SF1: variants seen among roughly 807,000 people sequenced by gnomAD.
SF1 encodes branch point-binding protein.
A neutral mutation model predicts 62.5 loss-of-function variants in SF1; 7 were observed. The observed-to-expected ratio is 0.11, with a 90% CI of 0.06 to 0.21. SF1 has a LOEUF of 0.21. Ranked by LOEUF, SF1 falls within the 10% of genes least tolerant of loss-of-function variation. The pLI is 1.00. For synonymous variants in SF1, 394 were observed against 323.6 expected, an observed-to-expected ratio of 1.22 and a Z score of -2.33; for missense variants, 578 against 884.0, an observed-to-expected ratio of 0.65 and a Z score of 4.39.
intron 11 of SF1, 34 bp from the exon 12 acceptor site, chr11:64,767,113 G>A: frequency 6.2e-7 from 1 of 1,610,160 alleles, no homozygotes; most frequent in Non-Finnish European, 8.5e-7. Context: ...TGAGGCCTCA[G>A]GGAAAGGCGG....
chr11:64,769,875 T>C (rs1200415732), intron 5 of SF1, 89 bp downstream of exon 5: 10 of 1,021,420 alleles, frequency 9.8e-6, no homozygotes, highest in African/African-American at 4.9e-5. Flanking sequence ...AGGGGAAAAG[T>C]AAGCCAACAG....
intron 2 of SF1, among the ~76,000 whole-genome samples, chr11:64,775,595 T>C (rs993680163): frequency 6.6e-6 from 1 of 152,230 alleles, no homozygotes; most frequent in Non-Finnish European, 1.5e-5. Flanking sequence ...TTTTTGGTTG[T>C]GAAGGCCACA....
rs541692754 is a variant in SF1, at chr11:64,777,847, C to T, written c.31+515G>A. The stretch of plus-strand genomic sequence containing the variant: ...GCCCTAGAACCAGGCCGCGCGCGCC[C>T]AGGGGCGCCTCCGCCCGGGCCTCCC... On this transcript the variant is annotated intron_variant, in intron 1 of 12. Transcript: ENST00000377390. 12 of 953,020 alleles carry T rather than the reference C, an allele frequency of 1.3e-5. No homozygotes were observed. In the South Asian group the frequency reaches 3.9e-4, roughly 31 times the overall value. The allele number at this position is 953,020 out of a possible 1,614,324, so 59.0% of individuals were successfully genotyped here.
rs377713648 is a variant in SF1 at position 64,767,121 on chromosome 11, C to T, written c.1403-42G>A. On this transcript the variant is annotated intron_variant, in intron 11 of 12. Coordinates refer to ENST00000377390, the MANE Select transcript of SF1 (RefSeq NM_004630.4). The stretch of plus-strand genomic sequence containing the variant: ...GCAAAGATGAGGCCTCAGGGAAAGG[C>T]GGGGACTTGGGCCAGAACCCCCACT... 5.1e-4 allele frequency: 820 copies of T among 1,611,016 alleles called. 13 individuals carry two copies. The South Asian group carries it at 8.3e-3, about 16-fold the overall frequency.
Position 64,774,758 on chromosome 11 carries a change from G to A in SF1, c.161-1253C>T, listed in dbSNP as rs750766367. Among the ~76,000 whole-genome samples the A allele has an allele frequency of 6.6e-5, 10 of 152,204 alleles. No individual in the cohort carries two copies. The Middle Eastern group carries it at 0.01, about 155-fold the overall frequency. On this transcript the variant is annotated intron_variant, in intron 2 of 12. Transcript: ENST00000377390. ...GCAGATCATGAGGACAAGAGATCGA[G>A]ACCATCCTGGCCAACATGGTGAAAC... is the stretch of plus-strand genomic sequence containing the variant.
intron 3 of SF1, among the ~76,000 whole-genome samples, chr11:64,771,023 G>A (rs1214695316): frequency 6.6e-6 from 1 of 152,208 alleles, no homozygotes; most frequent in Non-Finnish European, 1.5e-5. Flanking sequence ...GAGACAACCT[G>A]TTTTCTGGCT....
intron 1 of SF1, chr11:64,777,428 A>C (rs969573425): frequency 1.7e-5 from 15 of 884,538 alleles, no homozygotes; most frequent in African/African-American, 5.4e-5. Context: ...AAAAAAAAAA[A>C]CAAACTAAAA....
At chr11:64,766,409 G>C in intron 12 of SF1, 1 of 566,164 alleles carries the variant, frequency 1.8e-6, no homozygotes, top group Non-Finnish European at 3.1e-6. Flanking sequence ...CTGAGGGGAA[G>C]GTACCAGACA....
rs1399325429 is a variant in SF1, at chr11:64,767,628, G to A, written c.1285C>T (p.Pro429Ser). 3 of 1,593,548 alleles carry A rather than the reference G, an allele frequency of 1.9e-6. No homozygotes were observed. The highest frequency in any genetic ancestry group is 1.8e-5 in the Admixed American group (1 of 54,820). ...TGGGGGCCCTGGTTCATCGGTGGTG[G>A]TGGTGGCTGCATCCAAGGGGGTGGG... ...GPPPPWMQPP[P>S]PPMNQGPHPP... The change falls in exon 10 of 13, where the codon CCA becomes TCA. Residue 429 changes from proline to serine, a missense_variant. By Grantham distance (74) the Pro-to-Ser change is moderately conservative. Coordinates refer to ENST00000377390, the MANE Select transcript of SF1 (RefSeq NM_004630.4).
intron 8 of SF1, 119 bp from the exon 9 acceptor site, chr11:64,768,405 A>C (rs756907463): frequency 2.7e-5 from 24 of 898,088 alleles, no homozygotes; most frequent in Non-Finnish European, 4.2e-5. Flanking sequence ...AGATCATCAC[A>C]CATCTTTCTA....
chr11:64,767,714 G>C lies in SF1; in HGVS notation c.1199C>G (p.Pro400Arg). Residue 400 changes from proline (P) to arginine (R), a missense_variant, in exon 10 of 13, where the codon CCA becomes CGA. By Grantham distance (103) the Pro-to-Arg change is moderately radical. Transcript: ENST00000377390. ...PGGGPHSFPH[P>R]LPSLTGGHGG... ...ATGCCCACCTGTCAGGCTGGGTAAT[G>C]GGTGTGGGAAGCTGTGGGGGCCACC... 1 of 1,612,756 alleles carries C rather than the reference G, an allele frequency of 6.2e-7. No homozygotes were observed. The highest frequency in any genetic ancestry group is 8.5e-7 in the Non-Finnish European group (1 of 1,179,408).
rs1183410313 is a variant in SF1 at position 64,778,538 on chromosome 11, C to G, written c.-146G>C. The G allele has an allele frequency of 1.7e-6, 2 of 1,184,328 alleles. No individual in the cohort carries two copies. Among genetic ancestry groups the G allele is most frequent in the Non-Finnish European group, 2.1e-6 (2 of 956,976 alleles). The allele number at this position is 1,184,328 out of a possible 1,614,324, so 73.4% of individuals were successfully genotyped here. On this transcript the variant is annotated 5_prime_UTR_variant, in exon 1 of 13. Coordinates refer to ENST00000377390, the MANE Select transcript of SF1 (RefSeq NM_004630.4). ...CGCGGCGGGCGGCGGCGGCGCGAGA[C>G]GCACAAAGAGGGAGGAGAGAGGGCA...
intron 10 of SF1, 90 bp from the exon 11 acceptor site, chr11:64,767,341 G>A (rs978590183): frequency 5.4e-5 from 71 of 1,324,882 alleles, no homozygotes; most frequent in African/African-American, 8.7e-5. Flanking sequence ...CTATCCTTAC[G>A]CGAGTTCTGA....
chr11:64,770,188 C>T, intron 4 of SF1, 68 bp downstream of exon 4: 4 of 1,576,952 alleles, frequency 2.5e-6, no homozygotes, highest in African/African-American at 1.3e-5. Context: ...CCAATACTGT[C>T]CCATCCCAGC....
chr11:64,776,459 C>T (rs766921974), intron 2 of SF1, 39 bp downstream of exon 2: 1 of 1,559,978 alleles, frequency 6.4e-7, no homozygotes, highest in Admixed American at 2.0e-5. Flanking sequence ...TAAATCGTAA[C>T]AATCTCAAAG....
At chr11:64,776,751 T>TA (rs1939317156) in intron 1 of SF1, 125 bp from the exon 2 acceptor site, 2 of 895,546 alleles carry the variant, frequency 2.2e-6, no homozygotes, top group Non-Finnish European at 3.3e-6. Flanking sequence ...ACCTAAAACT[T>TA]AAACATTAAA....
chr11:64,776,766 CAG>C, intron 1 of SF1, 140 bp from the exon 2 acceptor site: 1 of 775,448 alleles, frequency 1.3e-6, no homozygotes, highest in Non-Finnish European at 2.0e-6. Flanking sequence ...ATTAAAAAAA[CAG>C]AAAACAAACC....
chr11:64,771,213 C>T (rs1479945818), intron 3 of SF1, among the ~76,000 whole-genome samples: 1 of 152,128 alleles, frequency 6.6e-6, no homozygotes, highest in African/African-American at 2.4e-5. Flanking sequence ...TTCTCTCTCT[C>T]ATTTTTTTAA....
chr11:64,775,099 G>A (rs1310264445), intron 2 of SF1, among the ~76,000 whole-genome samples: 2 of 152,158 alleles, frequency 1.3e-5, no homozygotes, highest in Non-Finnish European at 2.9e-5. Flanking sequence ...TGAGTATTAA[G>A]CTCAACAACT....
Sources: gnomAD v4.1 joint callset for allele counts (sites outside exome capture counted in the v4.1 genomes callset) on GRCh38, gnomAD v4.1.1 for gene constraint, MANE v1.5 for transcripts, NCBI Gene and HGNC (gene_info 2026-07-23, HGNC 2026-07-21) for gene names.